TACR3: variants seen among roughly 807,000 people sequenced by gnomAD.
The protein encoded by TACR3 is neuromedin-K receptor.
In TACR3, 34 loss-of-function variants were observed where a neutral mutation model predicts 35.0. The ratio of observed to expected loss-of-function variants is 0.97; its 90% CI spans 0.74 to 1.30. The LOEUF is 1.30. Ranked by LOEUF, TACR3 falls within the 50% of genes most tolerant of loss-of-function variation. TACR3 has a pLI of 0.00. For missense variants in TACR3, 558 were observed against 591.7 expected (o/e 0.94, Z 0.59); for synonymous variants, 233 against 221.1 (o/e 1.05, Z -0.48).
At chr4:103,698,226 C>A (rs1432830966) in intron 1 of TACR3, among the ~76,000 whole-genome samples, 1 of 151,952 alleles carries the variant, frequency 6.6e-6, no homozygotes, top group East Asian at 1.9e-4. Flanking sequence ...TTTACATATT[C>A]ATTTATTTTG....
At chr4:103,624,759 T>TTTGAC (rs2110306334) in intron 3 of TACR3, among the ~76,000 whole-genome samples, 2 of 152,306 alleles carry the variant, frequency 1.3e-5, no homozygotes, top group South Asian at 4.1e-4. Context: ...GTAATTCCCT[T>TTTGAC]TTGACTTGAA....
At chr4:103,678,844 A>T (rs1344733722) in intron 1 of TACR3, among the ~76,000 whole-genome samples, 1 of 151,038 alleles carries the variant, frequency 6.6e-6, no homozygotes, top group Non-Finnish European at 1.5e-5. Context: ...CATCTATAAG[A>T]TTATTTTATT....
At chr4:103,681,643 G>T (rs1288997366) in intron 1 of TACR3, among the ~76,000 whole-genome samples, 2 of 152,036 alleles carry the variant, frequency 1.3e-5, no homozygotes, top group Non-Finnish European at 2.9e-5. Context: ...TAAATGGTCA[G>T]ATCCACAAAT....
chr4:103,593,138 AATTTAC>A (rs1366070059), intron 3 of TACR3: 1 of 152,200 alleles, frequency 6.6e-6, no homozygotes, highest in Non-Finnish European at 1.5e-5. Context: ...CAAATGATTT[AATTTAC>A]ATTTATGCAA....
chr4:103,653,493 TAA>T lies in TACR3; in HGVS notation c.888+2699_888+2700del, dbSNP rs568017206. On this transcript the variant is annotated intron_variant, in intron 3 of 4. Transcript: ENST00000304883. The stretch of plus-strand genomic sequence containing the variant: ...GTTTAGGCGTACACAGTGAAATGTT[TAA>T]AAAAAAAGCTGAAACTGGATCCCTT... 5.0e-3 allele frequency among the ~76,000 whole-genome samples: 752 copies of T among 151,106 alleles called. 12 individuals carry two copies. The highest frequency in any genetic ancestry group is 0.017 in the African/African-American group (720 of 41,200).
At chr4:103,631,590 C>A (rs992044671) in intron 3 of TACR3, among the ~76,000 whole-genome samples, 5 of 152,136 alleles carry the variant, frequency 3.3e-5, no homozygotes, top group African/African-American at 1.2e-4. Flanking sequence ...TGAACTTTGT[C>A]TGGAAGATTC....
intron 3 of TACR3, among the ~76,000 whole-genome samples, chr4:103,599,942 T>A (rs1301909825): frequency 6.6e-6 from 1 of 152,176 alleles, no homozygotes; most frequent in Non-Finnish European, 1.5e-5. Flanking sequence ...TCTGCTGGGC[T>A]TTGGTATCAG....
chr4:103,687,784 T>G (rs373632213), intron 1 of TACR3, among the ~76,000 whole-genome samples: 27 of 152,190 alleles, frequency 1.8e-4, no homozygotes, highest in African/African-American at 3.1e-4. Context: ...CATGCTCATG[T>G]ATAGGAAGAA....
chr4:103,603,626 T>C (rs1206050461), intron 3 of TACR3, among the ~76,000 whole-genome samples: 5 of 152,228 alleles, frequency 3.3e-5, no homozygotes, highest in Non-Finnish European at 5.9e-5. Context: ...AGTGCTGCAA[T>C]AAACATACGT....
chr4:103,633,120 C>T (rs1223404175), intron 3 of TACR3, among the ~76,000 whole-genome samples: 2 of 152,016 alleles, frequency 1.3e-5, no homozygotes, highest in Non-Finnish European at 2.9e-5. Flanking sequence ...GGGTTCCAAA[C>T]TAGATTCCTC....
intron 3 of TACR3, among the ~76,000 whole-genome samples, chr4:103,652,021 C>A (rs928657054): frequency 6.6e-6 from 1 of 151,990 alleles, no homozygotes; most frequent in East Asian, 1.9e-4. Context: ...GGAGCCAGTT[C>A]CTTTTGAACC....
intron 3 of TACR3, among the ~76,000 whole-genome samples, chr4:103,640,776 C>T (rs1217818628): frequency 1.3e-5 from 2 of 151,642 alleles, no homozygotes; most frequent in Non-Finnish European, 2.9e-5. Flanking sequence ...CATCAGCTAT[C>T]ATTAGTGTTA....
rs1353918699 is a variant in TACR3, at chr4:103,589,921, G to A, written c.1159C>T (p.Leu387Phe). The A allele has an allele frequency of 3.7e-6, 6 of 1,613,854 alleles. No homozygotes were observed. The highest frequency in any genetic ancestry group is 4.2e-6 in the Non-Finnish European group (5 of 1,179,898). ...TTTGGATGAAACCTGGTGGTCTTGA[G>A]CTCTAGCTCATCATAGCTGGAAACT... ...IKVSSYDELELKTTRFHPNRQ... is the reference protein window; with the variant it reads ...IKVSSYDELEFKTTRFHPNRQ... Residue 387 changes from leucine to phenylalanine, a missense_variant, in exon 5 of 5, where the codon CTC becomes TTC. Physicochemically the swap from Leu to Phe is conservative, Grantham distance 22 (BLOSUM62 0). Coordinates refer to ENST00000304883, the MANE Select transcript of TACR3 (RefSeq NM_001059.3).
At chr4:103,679,578 G>A (rs1007641596) in intron 1 of TACR3, among the ~76,000 whole-genome samples, 2 of 151,976 alleles carry the variant, frequency 1.3e-5, no homozygotes, top group African/African-American at 4.8e-5. Flanking sequence ...ACAACCCTTT[G>A]TGGAGTAATT....
chr4:103,634,761 C>T (rs529302436), intron 3 of TACR3, among the ~76,000 whole-genome samples: 2 of 152,194 alleles, frequency 1.3e-5, no homozygotes, highest in East Asian at 1.9e-4. Context: ...TTTTTCACTT[C>T]CAGTCTCTCA....
intron 3 of TACR3, among the ~76,000 whole-genome samples, chr4:103,639,124 T>C (rs1725282714): frequency 6.6e-6 from 1 of 152,090 alleles, no homozygotes; most frequent in Non-Finnish European, 1.5e-5. Flanking sequence ...CATGCTGCTA[T>C]AAAGACACAT....
chr4:103,617,759 A>G lies in TACR3; in HGVS notation c.889-26076T>C, dbSNP rs190248023. The stretch of plus-strand genomic sequence containing the variant: ...TTAAGAAAAACAAGCAAGAAAATGT[A>G]TAGCAAACTGATTTATTTTGAAATA... On this transcript the variant is annotated intron_variant, in intron 3 of 4. Coordinates refer to ENST00000304883, the MANE Select transcript of TACR3 (RefSeq NM_001059.3). Among the ~76,000 whole-genome samples the G allele has an allele frequency of 2.2e-3, 332 of 152,356 alleles. 1 individual carries two copies. Among genetic ancestry groups the G allele is most frequent in the African/African-American group, 7.5e-3 (314 of 41,594 alleles).
At chr4:103,683,139 T>C (rs1722140099) in intron 1 of TACR3, among the ~76,000 whole-genome samples, 1 of 152,048 alleles carries the variant, frequency 6.6e-6, no homozygotes, top group Admixed American at 6.6e-5. Context: ...TACAGAAATC[T>C]AGAAAATATT....
chr4:103,633,997 C>T (rs187836140), intron 3 of TACR3, among the ~76,000 whole-genome samples: 1 of 152,172 alleles, frequency 6.6e-6, no homozygotes, highest in Admixed American at 6.6e-5. Flanking sequence ...ATCTTCTGCT[C>T]ACAAAAGGTC....
Sources: gnomAD v4.1 joint callset for allele counts (sites outside exome capture counted in the v4.1 genomes callset) on GRCh38, gnomAD v4.1.1 for gene constraint, MANE v1.5 for transcripts, NCBI Gene and HGNC (gene_info 2026-07-23, HGNC 2026-07-21) for gene names.